FAM20A: variants seen among roughly 807,000 people sequenced by gnomAD.
FAM20A encodes pseudokinase FAM20A.
In FAM20A, 42 loss-of-function variants were observed where a neutral mutation model predicts 52.0. The observed-to-expected ratio is 0.81, with a 90% CI of 0.63 to 1.04. The LOEUF (loss-of-function observed/expected upper bound fraction) is 1.04. FAM20A is among the 50% of genes least tolerant of loss of function. The probability of loss-of-function intolerance (pLI) is 0.00; values close to 1 mark genes in which losing one functional copy is unlikely to be tolerated. For synonymous variants in FAM20A, 304 were observed against 298.9 expected (o/e 1.02, Z -0.18); for missense variants, 742 against 712.7 (o/e 1.04, Z -0.47).
intron 4 of FAM20A, chr17:68,550,960 C>A (rs958793925): frequency 1.2e-6 from 1 of 810,018 alleles, no homozygotes; most frequent in South Asian, 6.4e-5. Flanking sequence ...AATGGGCCTC[C>A]CCTTGAATGG....
intron 1 of FAM20A, among the ~76,000 whole-genome samples, chr17:68,558,579 T>C (rs1263537127): frequency 6.6e-6 from 1 of 152,212 alleles, no homozygotes. Flanking sequence ...GTGATGTGCC[T>C]GTTCTCTACC....
intron 4 of FAM20A, among the ~76,000 whole-genome samples, chr17:68,548,159 C>G (rs1296532376): frequency 6.6e-6 from 1 of 152,154 alleles, no homozygotes; most frequent in Non-Finnish European, 1.5e-5. Context: ...CTTTGGAAGG[C>G]CAAGGTTGGC....
At chr17:68,546,315 G>A (rs2086563923) in intron 4 of FAM20A, among the ~76,000 whole-genome samples, 1 of 151,644 alleles carries the variant, frequency 6.6e-6, no homozygotes, top group South Asian at 2.1e-4. Flanking sequence ...CTTCTCCACT[G>A]AAGTCTTGAA....
At chr17:68,541,180 C>T in intron 7 of FAM20A, 1 of 570,368 alleles carries the variant, frequency 1.8e-6, no homozygotes, top group Non-Finnish European at 3.0e-6. Flanking sequence ...GGACACTAAA[C>T]CCATGGTTGG....
intron 1 of FAM20A, among the ~76,000 whole-genome samples, chr17:68,584,233 C>G (rs2088099402): frequency 6.6e-6 from 1 of 152,150 alleles, no homozygotes; most frequent in African/African-American, 2.4e-5. Flanking sequence ...AGGAGAATCA[C>G]TTGAATCCAG....
chr17:68,548,687 A>C (rs2086681137), intron 4 of FAM20A, among the ~76,000 whole-genome samples: 2 of 151,852 alleles, frequency 1.3e-5, no homozygotes, highest in South Asian at 4.2e-4. Flanking sequence ...GCAAAGTACA[A>C]TAAAGTGAAA....
chr17:68,564,704 G>A (rs2087324183), intron 1 of FAM20A, among the ~76,000 whole-genome samples: 1 of 152,220 alleles, frequency 6.6e-6, no homozygotes, highest in Admixed American at 6.5e-5. Context: ...TAGGAGGTGG[G>A]TGTCTGCAGG....
rs1568775135 is a variant in FAM20A at position 68,581,504 on chromosome 17, T to TTTCTTTCTTTCTTTCTTTTTCTTTCTTTC, written c.404+18758_404+18759insGAAAGAAAGAAAAAGAAAGAAAGAAAGAA. Among the ~76,000 whole-genome samples, 46 of 84,074 alleles carry TTTCTTTCTTTCTTTCTTTTTCTTTCTTTC rather than the reference T, an allele frequency of 5.5e-4. 2 individuals are homozygous for TTTCTTTCTTTCTTTCTTTTTCTTTCTTTC. The highest frequency in any genetic ancestry group is 1.1e-3 in the Non-Finnish European group (33 of 30,658). The allele number at this position is 84,074 out of a possible 152,430, so 55.2% of individuals were successfully genotyped here. Reference sequence around the variant, plus strand: ...TTTCTTTCTTTTTCTTTCTTTCTTCTTTCTCTTTCTCTCCTTTCTTTCTCT... The same window carrying TTTCTTTCTTTCTTTCTTTTTCTTTCTTTC: ...TTTCTTTCTTTTTCTTTCTTTCTTCTTTCTTTCTTTCTTTCTTTTTCTTTCTTTCTTCTCTTTCTCTCCTTTCTTTCTCT... On this transcript the variant is annotated intron_variant, in intron 1 of 10. Transcript: ENST00000592554.
At chr17:68,549,894 C>T (rs190156766) in intron 4 of FAM20A, among the ~76,000 whole-genome samples, 111 of 152,184 alleles carry the variant, frequency 7.3e-4, no homozygotes, top group South Asian at 5.2e-3. Flanking sequence ...ATTTTAGTAC[C>T]CTATATGTCT....
intron 3 of FAM20A, among the ~76,000 whole-genome samples, chr17:68,554,259 C>G (rs1248312247): frequency 1.3e-5 from 2 of 152,010 alleles, no homozygotes; most frequent in African/African-American, 4.8e-5. Flanking sequence ...GCCTCCCACG[C>G]TCGTCTAACT....
intron 7 of FAM20A, 171 bp from the exon 8 acceptor site, chr17:68,541,129 A>T: frequency 5.5e-6 from 5 of 902,114 alleles, no homozygotes; most frequent in Non-Finnish European, 8.2e-6. Flanking sequence ...AAGGCTGCAT[A>T]TTCCGTGTGG....
intron 1 of FAM20A, among the ~76,000 whole-genome samples, chr17:68,582,740 C>T (rs929326014): frequency 6.7e-6 from 1 of 149,674 alleles, no homozygotes; most frequent in Admixed American, 6.7e-5. Context: ...GGAAATGAGC[C>T]TTGGCCCTGC....
At chr17:68,543,869 G>A in intron 4 of FAM20A, 148 bp from the exon 5 acceptor site, 1 of 736,480 alleles carries the variant, frequency 1.4e-6, no homozygotes, top group South Asian at 1.5e-5. Context: ...GTCAGGAATG[G>A]CCTGTGGCTC....
intron 5 of FAM20A, 40 bp downstream of exon 5, chr17:68,543,589 T>A: frequency 6.3e-7 from 1 of 1,575,736 alleles, no homozygotes; most frequent in Non-Finnish European, 8.7e-7. Flanking sequence ...AGAGGATTGG[T>A]CCTTATAGGC....
At chr17:68,596,092 AG>A (rs2088444378) in intron 1 of FAM20A, among the ~76,000 whole-genome samples, 1 of 152,142 alleles carries the variant, frequency 6.6e-6, no homozygotes, top group African/African-American at 2.4e-5. Flanking sequence ...AAAGCTGCCC[AG>A]TCTCTTTGCG....
At chr17:68,552,835 C>T (rs2086905766) in intron 3 of FAM20A, among the ~76,000 whole-genome samples, 1 of 138,726 alleles carries the variant, frequency 7.2e-6, no homozygotes, top group Non-Finnish European at 1.6e-5. Context: ...GCGCCCGCCA[C>T]CGCGCCCGGC....
At chr17:68,586,631 G>A (rs2088171181) in intron 1 of FAM20A, among the ~76,000 whole-genome samples, 2 of 152,244 alleles carry the variant, frequency 1.3e-5, no homozygotes, top group African/African-American at 4.8e-5. Flanking sequence ...AGAAGCCAGT[G>A]AAAGCTGGCA....
At chr17:68,574,006 G>A (rs183442819) in intron 1 of FAM20A, among the ~76,000 whole-genome samples, 173 of 151,984 alleles carry the variant, frequency 1.1e-3, no homozygotes, top group African/African-American at 4.0e-3. Context: ...TTTAGAGGCT[G>A]GGAAGTCCAA....
chr17:68,594,182 C>T (rs974845781), intron 1 of FAM20A, among the ~76,000 whole-genome samples: 5 of 152,168 alleles, frequency 3.3e-5, no homozygotes, highest in Admixed American at 6.5e-5. Context: ...GAGGCCGAGG[C>T]GGGCGGATCA....
Sources: allele counts gnomAD v4.1 joint callset (sites outside exome capture counted in the v4.1 genomes callset), GRCh38; gene constraint gnomAD v4.1.1; transcripts MANE v1.5; gene names NCBI Gene and HGNC (gene_info 2026-07-23, HGNC 2026-07-21).